The following PRKAG2 variants were observed in gnomAD, a reference collection of about 807,000 sequenced individuals.
The protein encoded by PRKAG2 is protein kinase AMP-activated non-catalytic subunit gamma 2.
Under a neutral mutation model 69.6 loss-of-function variants are expected in PRKAG2, and 26 were observed. The ratio of observed to expected loss-of-function variants is 0.37; its 90% CI spans 0.27 to 0.52. The LOEUF (loss-of-function observed/expected upper bound fraction) is 0.52. Among genes scored for constraint, PRKAG2 ranks in the 20% least tolerant of loss-of-function variants. The probability of loss-of-function intolerance (pLI) is 0.90; values close to 1 mark genes in which losing one functional copy is unlikely to be tolerated. For missense variants in PRKAG2, 557 were observed against 740.0 expected, an observed-to-expected ratio of 0.75 and a Z score of 2.87; for synonymous variants, 293 against 285.0, an observed-to-expected ratio of 1.03 and a Z score of -0.28.
At chr7:151,700,750 GCTTCCCCTT>G (rs147727120) in intron 3 of PRKAG2, among the ~76,000 whole-genome samples, 33,454 of 152,064 alleles carry the variant, frequency 0.22, 4,568 homozygotes, top group Non-Finnish European at 0.31. Context: ...TAGCTTCCAG[GCTTCCCCTT>G]ATGTGGCCAG....
chr7:151,574,029 T>C (rs1808322175), intron 8 of PRKAG2, among the ~76,000 whole-genome samples: 1 of 152,172 alleles, frequency 6.6e-6, no homozygotes, highest in Non-Finnish European at 1.5e-5. Flanking sequence ...TCCACTTACT[T>C]CGGCTTCCCA....
intron 1 of PRKAG2, among the ~76,000 whole-genome samples, chr7:151,858,248 C>T (rs2079833926): frequency 6.6e-6 from 1 of 152,158 alleles, no homozygotes. Context: ...CCTCCCCTCC[C>T]TTACACTCCC....
intron 5 of PRKAG2, among the ~76,000 whole-genome samples, chr7:151,598,656 G>GTATC (rs986547189): frequency 1.1e-4 from 16 of 151,964 alleles, no homozygotes; most frequent in Admixed American, 5.2e-4. Context: ...TACTATATTT[G>GTATC]TATCTACTAA....
chr7:151,600,684 C>T (rs1815830237), intron 5 of PRKAG2, among the ~76,000 whole-genome samples: 1 of 152,216 alleles, frequency 6.6e-6, no homozygotes, highest in Non-Finnish European at 1.5e-5. Flanking sequence ...CATGTCTAAG[C>T]AAACGGTCTC....
intron 6 of PRKAG2, among the ~76,000 whole-genome samples, chr7:151,582,985 G>T (rs962908271): frequency 6.6e-6 from 1 of 152,204 alleles, no homozygotes; most frequent in African/African-American, 2.4e-5. Context: ...AAAATTTCCA[G>T]TCTATACTGA....
chr7:151,562,313 C>T (rs1016603436), intron 14 of PRKAG2, among the ~76,000 whole-genome samples: 29 of 148,948 alleles, frequency 1.9e-4, no homozygotes, highest in Admixed American at 1.8e-3. Flanking sequence ...GTGCCGGCTG[C>T]GCCCTGGGAG....
chr7:151,590,714 T>C (rs2151110475), intron 6 of PRKAG2, among the ~76,000 whole-genome samples: 1 of 152,300 alleles, frequency 6.6e-6, no homozygotes, highest in South Asian at 2.1e-4. Flanking sequence ...ACCACTTATA[T>C]GCAAAACAAA....
chr7:151,848,510 G>GTTTTTTTT (rs2079490600), intron 1 of PRKAG2, among the ~76,000 whole-genome samples: 2 of 83,990 alleles, frequency 2.4e-5, no homozygotes, highest in African/African-American at 9.5e-5. Flanking sequence ...AATACTGCAT[G>GTTTTTTTT]TCTTTTTTTT....
At chr7:151,820,322 C>T (rs1288983679) in intron 1 of PRKAG2, among the ~76,000 whole-genome samples, 2 of 152,260 alleles carry the variant, frequency 1.3e-5, no homozygotes, top group Non-Finnish European at 2.9e-5. Flanking sequence ...CTCGCTCCTA[C>T]CCCCATCACG....
rs397517268 is a variant in PRKAG2 at position 151,781,306 on chromosome 7, G to A, written c.312C>T (p.Thr104=). The change falls in exon 3 of 16, where the codon ACC becomes ACT. Residue 104 remains threonine, a synonymous_variant. Coordinates refer to ENST00000287878, the MANE Select transcript of PRKAG2 (RefSeq NM_016203.4). This position sits in a 1 kb window ranked among gnomAD's most constrained non-coding sequence, Gnocchi z 6.1. ...ACTCCTGGTAGGAGAACGGGAACAC[G>A]GTTTTGGGAGAGCCGGGGCTGGTCT... The part of the protein sequence containing the change: ...RPKTSPGSPK[T]VFPFSYQESP... The A allele has an allele frequency of 1.3e-4, 212 of 1,613,960 alleles. No individual in the cohort carries two copies. Among genetic ancestry groups the A allele is most frequent in the Non-Finnish European group, 1.7e-4 (197 of 1,180,040 alleles).
chr7:151,636,706 A>T (rs111449640), intron 4 of PRKAG2, among the ~76,000 whole-genome samples: 8 of 112,780 alleles, frequency 7.1e-5, no homozygotes, highest in East Asian at 3.9e-4. Flanking sequence ...ATATATATAT[A>T]TTTTAAATTT....
rs1030745450 is a variant in PRKAG2 at position 151,847,099 on chromosome 7, C to T, written c.114+29408G>A. Among the ~76,000 whole-genome samples, 7 of 152,272 alleles carry T rather than the reference C, an allele frequency of 4.6e-5. 1 individual carries two copies. Among genetic ancestry groups the T allele is most frequent in the Non-Finnish European group, 7.4e-5 (5 of 68,026 alleles). On this transcript the variant is annotated intron_variant, in intron 1 of 15. Coordinates refer to ENST00000287878, the MANE Select transcript of PRKAG2 (RefSeq NM_016203.4). ...AAGCCCATGCTTGACGGGGGATGCC[C>T]GAGAGGGAAATGGTTCTGGAATCTC...
At chr7:151,568,675 T>A in intron 11 of PRKAG2, 41 bp downstream of exon 11, 1 of 1,603,464 alleles carries the variant, frequency 6.2e-7, no homozygotes, top group Non-Finnish European at 8.5e-7. Context: ...ATTTAATAAG[T>A]AAATGCAATT....
At position 151,707,852 on chromosome 7, in the gene PRKAG2, G is replaced by A. The variant is rs371304070; in HGVS notation, c.467-32215C>T. 5.4e-4 allele frequency among the ~76,000 whole-genome samples: 82 copies of A among 152,332 alleles called. No individual in the cohort carries two copies. The Middle Eastern group carries it at 0.01, about 19-fold the overall frequency. On this transcript the variant is annotated intron_variant, in intron 3 of 15. Transcript: ENST00000287878. Reference sequence around the variant, plus strand: ...GTGCCCAACTCACCCCGGGGCCACCGGGGCCAAAGAAAGCCCAGGCATGAG... The same window carrying A: ...GTGCCCAACTCACCCCGGGGCCACCAGGGCCAAAGAAAGCCCAGGCATGAG...
intron 3 of PRKAG2, among the ~76,000 whole-genome samples, chr7:151,680,538 C>T (rs138939360): frequency 3.9e-4 from 59 of 152,330 alleles, no homozygotes; most frequent in African/African-American, 1.4e-3. Context: ...CTATCTCTGG[C>T]AGGATCTGGA....
chr7:151,670,167 CAT>C (rs1470336546), intron 4 of PRKAG2, among the ~76,000 whole-genome samples: 5 of 152,128 alleles, frequency 3.3e-5, no homozygotes, highest in African/African-American at 1.2e-4. Context: ...TGCATGCCCA[CAT>C]ACACCCACAC....
intron 3 of PRKAG2, among the ~76,000 whole-genome samples, chr7:151,676,261 C>G (rs71539894): frequency 8.3e-4 from 2 of 2,410 alleles, no homozygotes; most frequent in African/African-American, 3.2e-3. Context: ...GGGGAGGGGA[C>G]GGGAGGGGAG....
At chr7:151,811,841 C>T (rs1435040956) in intron 1 of PRKAG2, among the ~76,000 whole-genome samples, 4 of 152,198 alleles carry the variant, frequency 2.6e-5, no homozygotes. Flanking sequence ...CGGACATTCA[C>T]CATGTGGCTC....
At chr7:151,864,947 A>G (rs2080024211) in intron 1 of PRKAG2, among the ~76,000 whole-genome samples, 1 of 152,174 alleles carries the variant, frequency 6.6e-6, no homozygotes, top group South Asian at 2.1e-4. Flanking sequence ...CACATATTAC[A>G]TATAGGATAT....
Sources: allele counts gnomAD v4.1 joint callset (sites outside exome capture counted in the v4.1 genomes callset), GRCh38; gene constraint gnomAD v4.1.1; non-coding constraint Gnocchi (gnomAD v3.1); transcripts MANE v1.5; gene names NCBI Gene and HGNC (gene_info 2026-07-23, HGNC 2026-07-21).